The following DLGAP2 variants were observed in gnomAD, a reference collection of about 807,000 sequenced individuals.
DLGAP2 encodes the protein DLG associated protein 2, also known as disks large-associated protein 2.
DLGAP2 carries 26 observed loss-of-function variants against 100.3 expected under a neutral mutation model. That is an observed-to-expected ratio of 0.26 (90% CI 0.19 to 0.36). The LOEUF (loss-of-function observed/expected upper bound fraction) is 0.36. DLGAP2 is among the 10% of genes least tolerant of loss of function. The pLI, the probability that DLGAP2 is intolerant of heterozygous loss-of-function variation, is 1.00. For synonymous variants in DLGAP2, 886 were observed against 630.1 expected (o/e 1.41, Z -6.08); for missense variants, 1,858 against 1,453.2 (o/e 1.28, Z -4.53).
At chr8:1,564,566 A>G (rs562754463) in intron 5 of DLGAP2, among the ~76,000 whole-genome samples, 13 of 152,346 alleles carry the variant, frequency 8.5e-5, no homozygotes, top group Non-Finnish European at 1.3e-4. Context: ...ACATGGGCCC[A>G]GTTCTGTGCC....
At chr8:926,602 T>G in intron 2 of DLGAP2, among the ~76,000 whole-genome samples, 1 of 152,356 alleles carries the variant, frequency 6.6e-6, no homozygotes, top group East Asian at 1.9e-4. Context: ...GCGGCAGGTT[T>G]CACCGGGTGG....
rs1193496406 is a variant in DLGAP2 at position 1,358,364 on chromosome 8, C to G, written c.106+99481C>G. 1.3e-5 allele frequency among the ~76,000 whole-genome samples: 2 copies of G among 152,084 alleles called. 1 individual carries two copies. The highest frequency in any genetic ancestry group is 2.9e-5 in the Non-Finnish European group (2 of 67,998). On this transcript the variant is annotated intron_variant, in intron 3 of 14. Coordinates refer to ENST00000637795, the MANE Select transcript of DLGAP2 (RefSeq NM_001346810.2). ...GATTACGGGAAAAAGGCAGGATGGA[C>G]AACTCAAGAGATCTGGTGTGGGACC...
At chr8:999,695 G>C (rs1482895611) in intron 2 of DLGAP2, among the ~76,000 whole-genome samples, 2 of 152,064 alleles carry the variant, frequency 1.3e-5, no homozygotes, top group Non-Finnish European at 2.9e-5. Flanking sequence ...TTGCCAGGAT[G>C]GTCTCAATCT....
intron 1 of DLGAP2, among the ~76,000 whole-genome samples, chr8:795,888 CGTCCAGTGAGAGCAGCT>C (rs1796021497): frequency 1.3e-5 from 1 of 77,462 alleles, no homozygotes; most frequent in African/African-American, 3.9e-5. Context: ...TGAGAGCAGG[CGTCCAGTGAGAGCAGCT>C]GTCCAGTGAG....
At chr8:1,209,968 A>G (rs1381485573) in intron 2 of DLGAP2, among the ~76,000 whole-genome samples, 1 of 152,140 alleles carries the variant, frequency 6.6e-6, no homozygotes, top group Admixed American at 6.5e-5. Context: ...TCTTTTTAGC[A>G]ACTCAAATAA....
At chr8:1,038,616 G>T (rs1032127720) in intron 2 of DLGAP2, among the ~76,000 whole-genome samples, 1 of 152,214 alleles carries the variant, frequency 6.6e-6, no homozygotes, top group South Asian at 2.1e-4. Context: ...TGGATAAATT[G>T]AAAGCCCTCT....
At chr8:1,598,079 G>T (rs1796514436) in intron 6 of DLGAP2, among the ~76,000 whole-genome samples, 1 of 152,212 alleles carries the variant, frequency 6.6e-6, no homozygotes, top group African/African-American at 2.4e-5. Context: ...ATGAAGCAGT[G>T]TCGAATTTTA....
At chr8:960,233 A>ATTTTTTTTTTTTT (rs1228650565) in intron 2 of DLGAP2, among the ~76,000 whole-genome samples, 2 of 8,304 alleles carry the variant, frequency 2.4e-4, no homozygotes, top group African/African-American at 8.1e-4. Context: ...TTCCTGAAGT[A>ATTTTTTTTTTTTT]TATCTTTTTT....
At chr8:1,162,091 A>G (rs1796903302) in intron 2 of DLGAP2, among the ~76,000 whole-genome samples, 1 of 152,172 alleles carries the variant, frequency 6.6e-6, no homozygotes, top group Admixed American at 6.5e-5. Context: ...TTCTTATCTC[A>G]TTAATGCCCG....
intron 3 of DLGAP2, among the ~76,000 whole-genome samples, chr8:1,460,761 A>G (rs1584926518): frequency 6.6e-6 from 1 of 152,332 alleles, no homozygotes; most frequent in African/African-American, 2.4e-5. Flanking sequence ...TGGAATCAAG[A>G]GTAAAGAATG....
At chr8:1,125,716 C>T (rs937014006) in intron 2 of DLGAP2, among the ~76,000 whole-genome samples, 3 of 152,214 alleles carry the variant, frequency 2.0e-5, no homozygotes, top group African/African-American at 4.8e-5. Context: ...ATTTCAGACT[C>T]GCAAGGTTTT....
chr8:1,316,994 A>G lies in DLGAP2; in HGVS notation c.106+58111A>G, dbSNP rs56173975. ...TGTGCAAGTGCAGCATCTCTCCAACAGTGGTCTACACTCGAGAAACTCGGC... is the reference window on the plus strand; with the variant it reads ...TGTGCAAGTGCAGCATCTCTCCAACGGTGGTCTACACTCGAGAAACTCGGC... On this transcript the variant is annotated intron_variant, in intron 3 of 14. Coordinates refer to ENST00000637795, the MANE Select transcript of DLGAP2 (RefSeq NM_001346810.2). Among the ~76,000 whole-genome samples the G allele has an allele frequency of 4.8e-3, 338 of 70,674 alleles. 46 individuals are homozygous for G. The highest frequency in any genetic ancestry group is 6.9e-3 in the Middle Eastern group (1 of 144). 46.4% of individuals were successfully genotyped at this position (70,674 alleles called of 152,430 possible).
intron 4 of DLGAP2, among the ~76,000 whole-genome samples, chr8:1,509,931 G>A (rs991198256): frequency 6.6e-6 from 1 of 152,140 alleles, no homozygotes; most frequent in Non-Finnish European, 1.5e-5. Context: ...CAGCTCTGGA[G>A]GACGCGGCCG....
At chr8:1,213,649 C>T (rs1052487057) in intron 2 of DLGAP2, among the ~76,000 whole-genome samples, 1 of 152,180 alleles carries the variant, frequency 6.6e-6, no homozygotes, top group Non-Finnish European at 1.5e-5. Context: ...TCCCGTCTTT[C>T]TCTGGGCTCT....
chr8:804,865 A>T (rs1191796480), intron 1 of DLGAP2, among the ~76,000 whole-genome samples: 4 of 152,054 alleles, frequency 2.6e-5, no homozygotes, highest in Admixed American at 2.6e-4. Flanking sequence ...TCCTGGGCTT[A>T]AGTGATCCTC....
intron 2 of DLGAP2, among the ~76,000 whole-genome samples, chr8:1,214,965 A>C (rs1010224204): frequency 6.6e-6 from 1 of 152,226 alleles, no homozygotes; most frequent in Non-Finnish European, 1.5e-5. Flanking sequence ...AATGCAGTGC[A>C]ATCTCGTTTC....
At chr8:1,193,568 G>T (rs1195726288) in intron 2 of DLGAP2, among the ~76,000 whole-genome samples, 1 of 152,190 alleles carries the variant, frequency 6.6e-6, no homozygotes, top group Non-Finnish European at 1.5e-5. Flanking sequence ...CTTGTTTAAA[G>T]CTGGATATAC....
At chr8:841,419 A>G (rs1796982102) in intron 1 of DLGAP2, among the ~76,000 whole-genome samples, 1 of 152,188 alleles carries the variant, frequency 6.6e-6, no homozygotes, top group African/African-American at 2.4e-5. Context: ...CATGTTGCCC[A>G]TATTCTGTCC....
intron 3 of DLGAP2, among the ~76,000 whole-genome samples, chr8:1,411,224 A>G (rs79731012): frequency 6.6e-6 from 1 of 152,120 alleles, no homozygotes; most frequent in South Asian, 2.1e-4. Context: ...CTGAAAATGA[A>G]TGTTTATATA....
Sources: allele counts gnomAD v4.1 joint callset (sites outside exome capture counted in the v4.1 genomes callset), GRCh38; gene constraint gnomAD v4.1.1; transcripts MANE v1.5; gene names NCBI Gene and HGNC (gene_info 2026-07-23, HGNC 2026-07-21).